Variants in ABCG2 observed in about 807,000 individuals in gnomAD.
The protein encoded by ABCG2 is broad substrate specificity ATP-binding cassette transporter ABCG2.
Under a neutral mutation model 73.5 loss-of-function variants are expected in ABCG2, and 80 were observed. That is an observed-to-expected ratio of 1.09 (90% CI 0.91 to 1.31). The LOEUF (loss-of-function observed/expected upper bound fraction) is 1.31, where lower values mean the gene tolerates loss of function less well. ABCG2 is among the 50% of genes most tolerant of loss of function. The pLI is 0.00. For synonymous variants in ABCG2, 269 were observed against 282.4 expected, an observed-to-expected ratio of 0.95 and a Z score of 0.48; for missense variants, 796 against 786.2, an observed-to-expected ratio of 1.01 and a Z score of -0.15.
chr4:88,097,608 C>G lies in ABCG2; in HGVS notation c.1493-1G>C. The G allele has an allele frequency of 6.2e-7, 1 of 1,613,602 alleles. No individual in the cohort carries two copies. Among genetic ancestry groups the G allele is most frequent in the East Asian group, 2.2e-5 (1 of 44,860 alleles). ...AAGGCATCTGCCTTTGGCTTCAATC[C>G]TTAGTCAGAAAGAGAAGAAGTAGTT... On this transcript the variant is annotated splice_acceptor_variant, in intron 12 of 15. Coordinates refer to ENST00000237612, the MANE Select transcript of ABCG2 (RefSeq NM_004827.3). LOFTEE classifies it high-confidence loss of function.
At chr4:88,164,125 G>A (rs1727421384), upstream of ABCG2, among the ~76,000 whole-genome samples, 1 of 151,518 alleles carries the variant, frequency 6.6e-6, no homozygotes, top group Non-Finnish European at 1.5e-5. Context: ...AGAGTGCAAT[G>A]GTGTGATCTC....
At chr4:88,228,176 G>A (rs1456769173) in intron 1 of ABCG2, among the ~76,000 whole-genome samples, 1 of 152,180 alleles carries the variant, frequency 6.6e-6, no homozygotes, top group South Asian at 2.1e-4. Flanking sequence ...CCCTTCTCCT[G>A]TTCAGGAAGC....
At chr4:88,159,606 TAGG>T (rs1308417281), upstream of ABCG2, among the ~76,000 whole-genome samples, 1 of 152,158 alleles carries the variant, frequency 6.6e-6, no homozygotes, top group Non-Finnish European at 1.5e-5. Flanking sequence ...GCATCTACCC[TAGG>T]AAATTAGTAC....
intron 1 of ABCG2, among the ~76,000 whole-genome samples, chr4:88,181,742 A>G (rs1728262132): frequency 6.6e-6 from 1 of 152,188 alleles, no homozygotes; most frequent in Non-Finnish European, 1.5e-5. Context: ...AAATGTATAT[A>G]TTATTTGCAA....
intron 1 of ABCG2, among the ~76,000 whole-genome samples, chr4:88,206,186 C>T (rs1253923985): frequency 1.3e-5 from 2 of 152,260 alleles, no homozygotes; most frequent in African/African-American, 2.4e-5. Flanking sequence ...TGGCCAGGCG[C>T]GGTGTCCTGT....
At chr4:88,178,704 G>A (rs1271133884) in intron 1 of ABCG2, among the ~76,000 whole-genome samples, 1 of 152,124 alleles carries the variant, frequency 6.6e-6, no homozygotes, top group African/African-American at 2.4e-5. Context: ...TGAAGGGAGA[G>A]TCCCAAACCT....
At chr4:88,145,329 G>C (rs1725909711) in intron 1 of ABCG2, among the ~76,000 whole-genome samples, 1 of 152,168 alleles carries the variant, frequency 6.6e-6, no homozygotes, top group South Asian at 2.1e-4. Flanking sequence ...GTCTTTAAAA[G>C]GTATCATGGT....
At chr4:88,122,284 C>T (rs550319717) in intron 5 of ABCG2, among the ~76,000 whole-genome samples, 1 of 151,984 alleles carries the variant, frequency 6.6e-6, no homozygotes, top group South Asian at 2.1e-4. Flanking sequence ...TTTTTCATAC[C>T]CCAGTGGTGC....
chr4:88,148,825 T>C (rs1320638975), intron 1 of ABCG2, among the ~76,000 whole-genome samples: 1 of 152,156 alleles, frequency 6.6e-6, no homozygotes, highest in Admixed American at 6.5e-5. Flanking sequence ...CACAGTCCTG[T>C]AACCACTACA....
At chr4:88,210,184 TACACACACAC>T (rs36209812) in intron 1 of ABCG2, among the ~76,000 whole-genome samples, 54,959 of 149,218 alleles carry the variant, frequency 0.37, 10,607 homozygotes, top group Middle Eastern at 0.51. Context: ...TAAGTAATCC[TACACACACAC>T]ACACACACAC....
chr4:88,175,956 A>G (rs1727948309), intron 1 of ABCG2, among the ~76,000 whole-genome samples: 1 of 152,186 alleles, frequency 6.6e-6, no homozygotes, highest in Non-Finnish European at 1.5e-5. Flanking sequence ...TACTACAGAC[A>G]TTTGCTATGT....
At chr4:88,156,273 G>T (rs1197693788) in intron 1 of ABCG2, among the ~76,000 whole-genome samples, 1 of 150,882 alleles carries the variant, frequency 6.6e-6, no homozygotes, top group East Asian at 2.0e-4. Context: ...TACTTGGTAG[G>T]CTGAGGCACA....
chr4:88,151,664 G>C (rs919150573), intron 1 of ABCG2, among the ~76,000 whole-genome samples: 4 of 151,910 alleles, frequency 2.6e-5, no homozygotes, highest in East Asian at 3.9e-4. Flanking sequence ...GCGTGAACCC[G>C]GGAGGTGGAG....
intron 1 of ABCG2, among the ~76,000 whole-genome samples, chr4:88,180,003 G>C (rs943040214): frequency 6.6e-6 from 1 of 151,962 alleles, no homozygotes; most frequent in Non-Finnish European, 1.5e-5. Flanking sequence ...AGAGAGAGGG[G>C]GGTAGAAATT....
chr4:88,204,236 A>T (rs1333890481), intron 1 of ABCG2, among the ~76,000 whole-genome samples: 2 of 152,100 alleles, frequency 1.3e-5, no homozygotes, highest in Non-Finnish European at 2.9e-5. Flanking sequence ...CCCGGCCAAC[A>T]TGGTGAAACC....
At chr4:88,153,684 T>TA (rs1248578856) in intron 1 of ABCG2, among the ~76,000 whole-genome samples, 34 of 151,988 alleles carry the variant, frequency 2.2e-4, no homozygotes, top group Non-Finnish European at 4.0e-4. Flanking sequence ...GAAGGGAAGA[T>TA]ATGACCGTCG....
rs371281276 is a variant in ABCG2, at chr4:88,113,333, C to G, written c.1164G>C (p.Leu388Phe). The G allele has an allele frequency of 6.2e-7, 1 of 1,614,008 alleles. No individual in the cohort carries two copies. Among genetic ancestry groups the G allele is most frequent in the Non-Finnish European group, 8.5e-7 (1 of 1,180,030 alleles). Residue 388 changes from leucine (L) to phenylalanine (F), a missense_variant, in exon 9 of 16, where the codon TTG becomes TTC. Leu to Phe is a conservative substitution (Grantham distance 22). Coordinates refer to ENST00000237612, the MANE Select transcript of ABCG2 (RefSeq NM_004827.3). ...CTATAGAGGCCTGGGGATTACCCAGCAAGTTTTTGAATGAACGCTTGGAAA... is the reference window on the plus strand; with the variant it reads ...CTATAGAGGCCTGGGGATTACCCAGGAAGTTTTTGAATGAACGCTTGGAAA... ...RWVSKRSFKN[L>F]LGNPQASIAQ...
Position 88,101,240 on chromosome 4 carries a change from T to G in ABCG2, c.1357A>C (p.Lys453Gln). 6.2e-7 allele frequency: 1 copy of G among 1,614,032 alleles called. No individual in the cohort carries two copies. Among genetic ancestry groups the G allele is most frequent in the Non-Finnish European group, 8.5e-7 (1 of 1,179,986 alleles). Residue 453 changes from lysine to glutamine, a missense_variant, in exon 11 of 16, where the codon AAG becomes CAG. By Grantham distance (53) the Lys-to-Gln change is moderately conservative. Transcript: ENST00000237612. The part of the protein sequence containing the change: ...SAVELFVVEK[K>Q]LFIHEYISGY... ...CAAAGACCTACTCACATGAAGAGCT[T>G]CTTCTCTACCACAAAGAGTTCCACG...
At chr4:88,111,524 A>G (rs1041144582) in intron 9 of ABCG2, among the ~76,000 whole-genome samples, 5 of 151,992 alleles carry the variant, frequency 3.3e-5, no homozygotes, top group Admixed American at 2.6e-4. Flanking sequence ...ATACATATAT[A>G]CATATATATA....
Sources: allele counts gnomAD v4.1 joint callset (sites outside exome capture counted in the v4.1 genomes callset), GRCh38; gene constraint gnomAD v4.1.1; transcripts MANE v1.5; gene names NCBI Gene and HGNC (gene_info 2026-07-23, HGNC 2026-07-21).